Variants in KIF6 observed in about 807,000 individuals in gnomAD.
KIF6 encodes the protein kinesin family member 6, also known as kinesin-like protein KIF6.
Under a neutral mutation model 112.7 loss-of-function variants are expected in KIF6, and 106 were observed. The observed-to-expected ratio is 0.94, with a 90% CI of 0.80 to 1.11. The LOEUF is 1.11. KIF6 is among the 50% of genes least tolerant of loss of function. The pLI, the probability that KIF6 is intolerant of heterozygous loss-of-function variation, is 0.00. For missense variants in KIF6, 929 were observed against 964.0 expected, an observed-to-expected ratio of 0.96 and a Z score of 0.48; for synonymous variants, 339 against 339.9, an observed-to-expected ratio of 1.00 and a Z score of 0.03.
Position 39,346,459 on chromosome 6 carries a change from G to A in KIF6, c.2231+17C>T, listed in dbSNP as rs777641240. 7 of 716,684 alleles carry A rather than the reference G, an allele frequency of 9.8e-6. No individual in the cohort carries two copies. The highest frequency in any genetic ancestry group is 1.8e-5 in the Non-Finnish European group (7 of 385,018). 44.4% of individuals were successfully genotyped at this position (716,684 alleles called of 1,614,324 possible). A position where few individuals can be genotyped will look rare whatever the true frequency, so the allele number is the denominator to read the frequency against. On this transcript the variant is annotated intron_variant, in intron 20 of 22. Transcript: ENST00000287152. ...TCGAGAAGACAGCTGTCTATGAACC[G>A]GGAAGGGGGTCCTCACCAGACATCG...
chr6:39,381,328 GGAGA>G (rs773752144), intron 16 of KIF6, among the ~76,000 whole-genome samples: 4 of 152,186 alleles, frequency 2.6e-5, no homozygotes, highest in Admixed American at 6.5e-5. Flanking sequence ...TACTGAGAAT[GGAGA>G]GTGAGAGAAA....
At chr6:39,656,245 A>G (rs915203220) in intron 3 of KIF6, among the ~76,000 whole-genome samples, 1 of 152,162 alleles carries the variant, frequency 6.6e-6, no homozygotes. Flanking sequence ...CTTCATTTAC[A>G]TGGGCTCTAA....
Position 39,335,904 on chromosome 6 carries a change from T to A in KIF6, c.*628A>T, listed in dbSNP as rs1231950492. The stretch of plus-strand genomic sequence containing the variant: ...ATGTCCTTAGACCCTGCAGGGCAGA[T>A]GGCTCCCTGGAGACACAGCTGTTCA... On this transcript the variant is annotated 3_prime_UTR_variant, in exon 23 of 23. Transcript: ENST00000287152. 2 of 152,520 alleles carry A rather than the reference T, an allele frequency of 1.3e-5. No homozygotes were observed. Among genetic ancestry groups the A allele is most frequent in the Non-Finnish European group, 2.9e-5 (2 of 68,304 alleles). 9.4% of individuals were successfully genotyped at this position (152,520 alleles called of 1,614,324 possible).
chr6:39,379,776 T>G (rs1766764234), intron 16 of KIF6, among the ~76,000 whole-genome samples: 1 of 152,236 alleles, frequency 6.6e-6, no homozygotes, highest in Non-Finnish European at 1.5e-5. Context: ...CAGCCCTCTG[T>G]GGATTCCATG....
intron 19 of KIF6, among the ~76,000 whole-genome samples, chr6:39,350,963 G>C (rs781687171): frequency 6.6e-6 from 1 of 152,146 alleles, no homozygotes; most frequent in Non-Finnish European, 1.5e-5. Context: ...CCAGGAATTA[G>C]AGCATCCAAC....
chr6:39,463,310 T>C (rs1396048096), intron 13 of KIF6, among the ~76,000 whole-genome samples: 4 of 152,194 alleles, frequency 2.6e-5, no homozygotes, highest in African/African-American at 9.7e-5. Context: ...GCCTCTATTG[T>C]CCAATCTGCC....
chr6:39,495,883 C>T (rs1391353426), intron 13 of KIF6, among the ~76,000 whole-genome samples: 2 of 152,076 alleles, frequency 1.3e-5, no homozygotes, highest in Non-Finnish European at 2.9e-5. Flanking sequence ...ATGTGAACTG[C>T]TTTCTGAAAA....
intron 13 of KIF6, among the ~76,000 whole-genome samples, chr6:39,442,373 A>G (rs1771968740): frequency 6.6e-6 from 1 of 152,230 alleles, no homozygotes; most frequent in African/African-American, 2.4e-5. Context: ...CCTCAAGAGC[A>G]TCTGCAGAAA....
intron 13 of KIF6, among the ~76,000 whole-genome samples, chr6:39,454,154 T>C (rs1254317187): frequency 6.6e-6 from 1 of 152,204 alleles, no homozygotes; most frequent in African/African-American, 2.4e-5. Flanking sequence ...AGAACTCTTA[T>C]GTTGCAATAG....
At chr6:39,364,574 T>G (rs1415571402) in intron 16 of KIF6, among the ~76,000 whole-genome samples, 1 of 152,190 alleles carries the variant, frequency 6.6e-6, no homozygotes, top group African/African-American at 2.4e-5. Flanking sequence ...TCCTCTTACC[T>G]TTTAAAAATT....
intron 13 of KIF6, among the ~76,000 whole-genome samples, chr6:39,477,088 C>T (rs1483130753): frequency 6.6e-6 from 1 of 152,168 alleles, no homozygotes; most frequent in East Asian, 1.9e-4. Flanking sequence ...GTTTAAAATA[C>T]ACTGGGCCCA....
chr6:39,480,093 T>C (rs943343780), intron 13 of KIF6, among the ~76,000 whole-genome samples: 5 of 152,202 alleles, frequency 3.3e-5, no homozygotes, highest in Non-Finnish European at 7.3e-5. Flanking sequence ...CTATGTTGAA[T>C]AGAAGTGGTG....
At chr6:39,424,993 T>C (rs1355637541) in intron 14 of KIF6, among the ~76,000 whole-genome samples, 1 of 152,178 alleles carries the variant, frequency 6.6e-6, no homozygotes, top group Non-Finnish European at 1.5e-5. Flanking sequence ...CCCATCCTGC[T>C]GTGGGGTGTG....
At chr6:39,511,135 T>G (rs1361786593) in intron 13 of KIF6, among the ~76,000 whole-genome samples, 1 of 152,104 alleles carries the variant, frequency 6.6e-6, no homozygotes. Context: ...CACCCCACTG[T>G]CAATATTAGA....
At chr6:39,373,632 A>C (rs920730516) in intron 16 of KIF6, among the ~76,000 whole-genome samples, 4 of 150,738 alleles carry the variant, frequency 2.7e-5, no homozygotes, top group Non-Finnish European at 5.9e-5. Flanking sequence ...TAACAACAAC[A>C]AAAAACCCAA....
At chr6:39,667,122 A>G (rs1025733195) in intron 3 of KIF6, among the ~76,000 whole-genome samples, 4 of 152,186 alleles carry the variant, frequency 2.6e-5, no homozygotes, top group Non-Finnish European at 5.9e-5. Context: ...GGGTTTCTCC[A>G]GAGAGAACCA....
At position 39,331,979 on chromosome 6, in the gene KIF6, C is replaced by G. The variant is rs904163038; in HGVS notation, c.*4553G>C. ...TTTTTTTTTTTGAGACAGAGTTTCA[C>G]TCTTGTTGCCCAAGCTGGAGTGCAA... On this transcript the variant is annotated 3_prime_UTR_variant, in exon 23 of 23. Transcript: ENST00000287152. 1 of 149,226 alleles carries G rather than the reference C, an allele frequency of 6.7e-6. No homozygotes were observed. 9.2% of individuals were successfully genotyped at this position (149,226 alleles called of 1,614,324 possible). A position where few individuals can be genotyped will look rare whatever the true frequency, so the allele number is the denominator to read the frequency against.
At chr6:39,490,531 C>T (rs562180019) in intron 13 of KIF6, among the ~76,000 whole-genome samples, 81 of 152,178 alleles carry the variant, frequency 5.3e-4, no homozygotes, top group Middle Eastern at 6.8e-3. Flanking sequence ...TTGGGTTTGT[C>T]GCCTATAAAA....
chr6:39,528,229 T>C (rs1182714557), intron 13 of KIF6, among the ~76,000 whole-genome samples: 1 of 152,224 alleles, frequency 6.6e-6, no homozygotes, highest in Non-Finnish European at 1.5e-5. Context: ...TCTCTGTGCC[T>C]GGCTTATTTC....
Sources: gnomAD v4.1 joint callset for allele counts (sites outside exome capture counted in the v4.1 genomes callset) on GRCh38, gnomAD v4.1.1 for gene constraint, MANE v1.5 for transcripts, NCBI Gene and HGNC (gene_info 2026-07-23, HGNC 2026-07-21) for gene names.